The following WBP1L variants were observed in gnomAD, a reference collection of about 807,000 sequenced individuals.
WBP1L encodes the protein WW domain binding protein 1-like.
In WBP1L, 17 loss-of-function variants were observed where a neutral mutation model predicts 33.7. The observed-to-expected ratio is 0.50, with a 90% confidence interval of 0.34 to 0.76. WBP1L has a LOEUF of 0.76. WBP1L is among the 30% of genes least tolerant of loss of function. The pLI, the probability that WBP1L is intolerant of heterozygous loss-of-function variation, is 0.01. For synonymous variants in WBP1L, 173 were observed against 190.8 expected (o/e 0.91, Z 0.77); for missense variants, 389 against 469.4 (o/e 0.83, Z 1.58).
At chr10:102,753,923 G>T (rs1842947019) in intron 1 of WBP1L, among the ~76,000 whole-genome samples, 1 of 152,196 alleles carries the variant, frequency 6.6e-6, no homozygotes, top group Non-Finnish European at 1.5e-5. Context: ...CATTCTTTCA[G>T]ATCAGAGGCA....
intron 1 of WBP1L, among the ~76,000 whole-genome samples, chr10:102,755,839 A>G (rs1034337341): frequency 2.7e-4 from 37 of 137,408 alleles, no homozygotes; most frequent in African/African-American, 1.0e-3. Flanking sequence ...AGGTCAGGAG[A>G]TCGAGACCAT....
At chr10:102,770,150 G>T (rs1843168381) in intron 1 of WBP1L, among the ~76,000 whole-genome samples, 1 of 152,170 alleles carries the variant, frequency 6.6e-6, no homozygotes, top group Non-Finnish European at 1.5e-5. Flanking sequence ...GGATTCTTTT[G>T]TTAATGCCTA....
intron 1 of WBP1L, among the ~76,000 whole-genome samples, chr10:102,789,866 C>G (rs745793039): frequency 1.3e-4 from 19 of 151,906 alleles, no homozygotes; most frequent in Non-Finnish European, 2.5e-4. Context: ...CCTCAGCCTC[C>G]CGAGTAGCTG....
rs925560967 is a variant in WBP1L at position 102,784,337 on chromosome 10, C to T, written c.91-13656C>T. 2.6e-5 allele frequency among the ~76,000 whole-genome samples: 4 copies of T among 152,164 alleles called. No individual in the cohort carries two copies. In the South Asian group the frequency reaches 6.2e-4, roughly 24 times the overall value. On this transcript the variant is annotated intron_variant, in intron 1 of 3. Transcript: ENST00000448841. ...CTATCATTAGTAACATACTAACACC[C>T]CCACTCCCCCAAGGTTTTCTACATC...
intron 2 of WBP1L, among the ~76,000 whole-genome samples, chr10:102,809,588 G>A (rs1177061720): frequency 2.0e-5 from 3 of 152,020 alleles, no homozygotes; most frequent in African/African-American, 7.3e-5. Context: ...GGCCAGGCTG[G>A]TCTCGAACTC....
Position 102,813,825 on chromosome 10 carries a change from T to C in WBP1L, c.*494T>C, listed in dbSNP as rs1293906587. The C allele has an allele frequency of 6.3e-6, 1 of 157,840 alleles. No homozygotes were observed. The highest frequency in any genetic ancestry group is 1.4e-5 in the Non-Finnish European group (1 of 71,476). 9.8% of individuals were successfully genotyped at this position (157,840 alleles called of 1,614,324 possible). On this transcript the variant is annotated 3_prime_UTR_variant, in exon 4 of 4. Coordinates refer to ENST00000448841, the MANE Select transcript of WBP1L (RefSeq NM_001083913.2). ...AGAGGCCCAGGGCTTGTCATTGGGC[T>C]GCCAGTGTCTGCCAAGCCAGCATTG...
intron 1 of WBP1L, chr10:102,776,329 C>T (rs968444811): frequency 1.2e-6 from 2 of 1,613,822 alleles, no homozygotes; most frequent in Non-Finnish European, 1.7e-6. Flanking sequence ...AATGCTCATT[C>T]CAAGACCTTA....
chr10:102,812,999 C>T lies in WBP1L; in HGVS notation c.760C>T (p.Pro254Ser), dbSNP rs1383725924. ...LKDDSSEHGA[P>S]DSKEKTPGRH... ...AGATGACAGCTCTGAACACGGCGCACCCGACAGCAAAGAGAAGACGCCTGG... is the reference window on the plus strand; with the variant it reads ...AGATGACAGCTCTGAACACGGCGCATCCGACAGCAAAGAGAAGACGCCTGG... The change falls in exon 4 of 4, where the codon CCC becomes TCC. Residue 254 changes from proline (P) to serine (S), a missense_variant. By Grantham distance (74) the Pro-to-Ser change is moderately conservative (BLOSUM62 -1). Coordinates refer to ENST00000448841, the MANE Select transcript of WBP1L (RefSeq NM_001083913.2). 1.9e-6 allele frequency: 3 copies of T among 1,613,578 alleles called. No individual in the cohort carries two copies. Among genetic ancestry groups the T allele is most frequent in the African/African-American group, 2.7e-5 (2 of 75,022 alleles).
At chr10:102,800,318 C>T (rs1300406014) in intron 2 of WBP1L, among the ~76,000 whole-genome samples, 13 of 152,306 alleles carry the variant, frequency 8.5e-5, no homozygotes, top group Middle Eastern at 3.4e-3. Flanking sequence ...CTCATGGCCC[C>T]GTCTCAGATT....
intron 1 of WBP1L, among the ~76,000 whole-genome samples, chr10:102,778,860 A>G (rs1381659595): frequency 1.3e-5 from 2 of 152,052 alleles, no homozygotes; most frequent in Non-Finnish European, 2.9e-5. Flanking sequence ...TTTTTCCCTT[A>G]ATCCATATGA....
At chr10:102,784,875 T>TTC (rs1340419205) in intron 1 of WBP1L, among the ~76,000 whole-genome samples, 4 of 36,390 alleles carry the variant, frequency 1.1e-4, no homozygotes, top group African/African-American at 2.5e-4. Flanking sequence ...TTTTTTTCTT[T>TTC]TTTTTTTTTT....
intron 1 of WBP1L, among the ~76,000 whole-genome samples, chr10:102,757,549 G>A (rs926189897): frequency 6.0e-5 from 9 of 149,378 alleles, no homozygotes; most frequent in Non-Finnish European, 1.0e-4. Flanking sequence ...CCTGTTCTCA[G>A]GGGAAGATGG....
chr10:102,815,671 A>G lies in WBP1L; in HGVS notation c.*2340A>G, dbSNP rs1843929770. The G allele has an allele frequency of 6.6e-6, 1 of 152,012 alleles. No homozygotes were observed. The highest frequency in any genetic ancestry group is 1.5e-5 in the Non-Finnish European group (1 of 68,010). The allele number at this position is 152,012 out of a possible 1,614,324, so 9.4% of individuals were successfully genotyped here. A position where few individuals can be genotyped will look rare whatever the true frequency, so the allele number is the denominator to read the frequency against. On this transcript the variant is annotated 3_prime_UTR_variant, in exon 4 of 4. Transcript: ENST00000448841. The stretch of plus-strand genomic sequence containing the variant: ...TCCTTCCACCTTTTTTTATTTTTTA[A>G]GAATCCCAAATAACTCACTGAAGTG...
chr10:102,770,782 A>C (rs1843178050), intron 1 of WBP1L, among the ~76,000 whole-genome samples: 1 of 152,182 alleles, frequency 6.6e-6, no homozygotes, highest in African/African-American at 2.4e-5. Context: ...AGGGTTCCAG[A>C]GCGCTGACCA....
Position 102,809,966 on chromosome 10 carries a change from C to T in WBP1L, c.267C>T (p.His89=). 1 of 1,614,084 alleles carries T rather than the reference C, an allele frequency of 6.2e-7. No individual in the cohort carries two copies. Residue 89 remains histidine (H), a synonymous_variant, in exon 3 of 4, where the codon CAC becomes CAT. Coordinates refer to ENST00000448841, the MANE Select transcript of WBP1L (RefSeq NM_001083913.2). The part of the protein sequence containing the change: ...CCVCHHRRAK[H]RLQAQQRQHE... ...TTTGCCACCACCGCCGAGCCAAGCA[C>T]CGCCTTCAGGCCCAGCAGCGGCAAC...
rs555212871 is a variant in WBP1L, at chr10:102,789,600, T to C, written c.91-8393T>C. Among the ~76,000 whole-genome samples the C allele has an allele frequency of 4.6e-5, 7 of 152,310 alleles. 2 individuals are homozygous for C. The South Asian group carries it at 1.4e-3, about 32-fold the overall frequency. ...CGTGTTTTATTATCCTCATGGAGCTTATTACTGCTAGTGAAATTATAATTT... is the reference window on the plus strand; with the variant it reads ...CGTGTTTTATTATCCTCATGGAGCTCATTACTGCTAGTGAAATTATAATTT... On this transcript the variant is annotated intron_variant, in intron 1 of 3. Transcript: ENST00000448841.
At chr10:102,802,653 G>T (rs1235034737) in intron 2 of WBP1L, among the ~76,000 whole-genome samples, 1 of 152,020 alleles carries the variant, frequency 6.6e-6, no homozygotes, top group Non-Finnish European at 1.5e-5. Flanking sequence ...GCGCCAGCAT[G>T]CCCAGCTAAT....
At chr10:102,804,639 A>T (rs1179773250) in intron 2 of WBP1L, among the ~76,000 whole-genome samples, 1 of 152,160 alleles carries the variant, frequency 6.6e-6, no homozygotes, top group Non-Finnish European at 1.5e-5. Flanking sequence ...CTGTGTGTCC[A>T]TCGAAGGTTG....
At chr10:102,778,732 A>G (rs1843298412) in intron 1 of WBP1L, among the ~76,000 whole-genome samples, 1 of 152,226 alleles carries the variant, frequency 6.6e-6, no homozygotes, top group African/African-American at 2.4e-5. Flanking sequence ...TATTGGAGCC[A>G]TGTAGCCTTC....
Sources: allele counts gnomAD v4.1 joint callset (sites outside exome capture counted in the v4.1 genomes callset), GRCh38; gene constraint gnomAD v4.1.1; transcripts MANE v1.5; gene names NCBI Gene and HGNC (gene_info 2026-07-23, HGNC 2026-07-21).